Variants in NTM observed in about 807,000 individuals in gnomAD.
NTM encodes the protein neurotrimin.
A neutral mutation model predicts 42.1 loss-of-function variants in NTM; 13 were observed. That is an observed-to-expected ratio of 0.31 (90% CI 0.20 to 0.49). The LOEUF (loss-of-function observed/expected upper bound fraction) is 0.49. Ranked by LOEUF, NTM falls within the 20% of genes least tolerant of loss-of-function variation. The pLI, the probability that NTM is intolerant of heterozygous loss-of-function variation, is 0.99. For synonymous variants in NTM, 187 were observed against 179.2 expected, an observed-to-expected ratio of 1.04 and a Z score of -0.35; for missense variants, 373 against 452.8, an observed-to-expected ratio of 0.82 and a Z score of 1.60.
chr11:131,625,195 A>G (rs1388553656), intron 1 of NTM, among the ~76,000 whole-genome samples: 1 of 152,220 alleles, frequency 6.6e-6, no homozygotes, highest in Non-Finnish European at 1.5e-5. Context: ...GTGTAAAGTG[A>G]TCACATTTTC....
chr11:132,230,610 C>G (rs2087331525), intron 4 of NTM, among the ~76,000 whole-genome samples: 1 of 152,256 alleles, frequency 6.6e-6, no homozygotes, highest in Non-Finnish European at 1.5e-5. Context: ...TTTGCCCACC[C>G]TCTCTGAGCC....
intron 1 of NTM, among the ~76,000 whole-genome samples, chr11:131,901,497 T>C (rs140636855): frequency 6.6e-6 from 1 of 152,328 alleles, no homozygotes; most frequent in African/African-American, 2.4e-5. Context: ...GGGAGAGTTC[T>C]CTATGAATTC....
intron 1 of NTM, among the ~76,000 whole-genome samples, chr11:131,865,928 AC>A: frequency 8.3e-6 from 1 of 120,662 alleles, no homozygotes; most frequent in African/African-American, 3.0e-5. Context: ...CTACACACAC[AC>A]CTCCCACACT....
chr11:132,028,116 A>C (rs1267479519), intron 2 of NTM, among the ~76,000 whole-genome samples: 1 of 151,490 alleles, frequency 6.6e-6, no homozygotes, highest in Non-Finnish European at 1.5e-5. Flanking sequence ...TGTCCTTGCA[A>C]GTTGTCTGCT....
chr11:131,979,603 A>G (rs1227038822), intron 2 of NTM, among the ~76,000 whole-genome samples: 2 of 152,200 alleles, frequency 1.3e-5, no homozygotes, highest in Non-Finnish European at 1.5e-5. Context: ...CTTAGTGGCC[A>G]TTAATTCATT....
At chr11:131,633,441 T>G (rs1592296789) in intron 1 of NTM, among the ~76,000 whole-genome samples, 1 of 152,310 alleles carries the variant, frequency 6.6e-6, no homozygotes, top group East Asian at 1.9e-4. Flanking sequence ...TTCTATAAAG[T>G]TTTGAAGGTT....
chr11:132,302,859 C>T (rs914505711), intron 4 of NTM, among the ~76,000 whole-genome samples: 4 of 152,152 alleles, frequency 2.6e-5, no homozygotes, highest in South Asian at 2.1e-4. Context: ...AAGAAAAATA[C>T]GAGGCTTGAG....
At chr11:132,328,859 T>G (rs2095742017) in intron 7 of NTM, among the ~76,000 whole-genome samples, 1 of 152,090 alleles carries the variant, frequency 6.6e-6, no homozygotes, top group Admixed American at 6.6e-5. Context: ...CAGCAAGCCC[T>G]TCAAGGGACC....
chr11:131,789,613 GAAGAAGAAGAAGAAGAAGAA>G (rs2090411526), intron 1 of NTM, among the ~76,000 whole-genome samples: 2 of 84,548 alleles, frequency 2.4e-5, no homozygotes, highest in Non-Finnish European at 4.7e-5. Context: ...AGAAGAAGAA[GAAGAAGAAGAAGAAGAAGAA>G]GAAAAGAAGA....
chr11:131,704,216 A>G (rs980069284), intron 1 of NTM, among the ~76,000 whole-genome samples: 3 of 152,050 alleles, frequency 2.0e-5, no homozygotes, highest in African/African-American at 7.2e-5. Flanking sequence ...ATACCAGGGG[A>G]CCCCAGTGCC....
chr11:131,908,956 C>T (rs1565710259), intron 1 of NTM, among the ~76,000 whole-genome samples: 1 of 152,260 alleles, frequency 6.6e-6, no homozygotes, highest in African/African-American at 2.4e-5. Context: ...CATAAGTTGA[C>T]GATTGATAGT....
intron 1 of NTM, among the ~76,000 whole-genome samples, chr11:131,553,610 C>A (rs2054999071): frequency 6.6e-6 from 1 of 152,194 alleles, no homozygotes; most frequent in Non-Finnish European, 1.5e-5. Flanking sequence ...CTTATCTTCA[C>A]CCTTCACGCC....
At chr11:131,770,214 C>T (rs1252664152) in intron 1 of NTM, among the ~76,000 whole-genome samples, 1 of 152,192 alleles carries the variant, frequency 6.6e-6, no homozygotes, top group African/African-American at 2.4e-5. Flanking sequence ...ATTTGCCTGT[C>T]CCCTGACAGA....
chr11:132,261,511 C>T (rs2092853198), intron 4 of NTM, among the ~76,000 whole-genome samples: 1 of 152,158 alleles, frequency 6.6e-6, no homozygotes, highest in Admixed American at 6.5e-5. Context: ...GAGGAAAGAT[C>T]CTGGTCTTCT....
Position 132,336,180 on chromosome 11 carries a change from A to G in NTM, c.*1034A>G, listed in dbSNP as rs1233960214. ...ATGACATATATTATACAGTATATAT[A>G]TACATATATTTTTTTTGTTAGAGTT... On this transcript the variant is annotated 3_prime_UTR_variant, in exon 9 of 9. Transcript: ENST00000683400. 1 of 152,516 alleles carries G rather than the reference A, an allele frequency of 6.6e-6. No homozygotes were observed. The highest frequency in any genetic ancestry group is 1.5e-5 in the Non-Finnish European group (1 of 68,036). 9.4% of individuals were successfully genotyped at this position (152,516 alleles called of 1,614,324 possible).
chr11:131,769,535 C>T lies in NTM; in HGVS notation c.83-142029C>T, dbSNP rs1018868744. On this transcript the variant is annotated intron_variant, in intron 1 of 8. Coordinates refer to ENST00000683400, the MANE Select transcript of NTM (RefSeq NM_001352005.2). ...TTATAAAGAAGTTATTGTTTCGTTT[C>T]CTTTTTTTTCTGGAAGATCAAAATA... The T allele has an allele frequency of 9.3e-6, 8 of 861,856 alleles. No individual in the cohort carries two copies. The African/African-American group carries it at 1.5e-4, about 16-fold the overall frequency. The allele number at this position is 861,856 out of a possible 1,614,324, so 53.4% of individuals were successfully genotyped here.
At chr11:132,297,283 C>T (rs540314560) in intron 4 of NTM, among the ~76,000 whole-genome samples, 2 of 152,292 alleles carry the variant, frequency 1.3e-5, no homozygotes, top group African/African-American at 4.8e-5. Context: ...TCCCTCTGTC[C>T]CCCAAGTGGT....
chr11:131,662,075 C>T (rs184106223), intron 1 of NTM: 1 of 152,236 alleles, frequency 6.6e-6, no homozygotes, highest in Non-Finnish European at 1.5e-5. Context: ...CTCACAAACA[C>T]GAGAGAAATC....
chr11:131,467,296 T>C (rs748931950), intron 1 of NTM, among the ~76,000 whole-genome samples: 7 of 152,148 alleles, frequency 4.6e-5, no homozygotes, highest in Non-Finnish European at 8.8e-5. Flanking sequence ...AATCATGCCC[T>C]TGCCTGTCTG....
Sources: allele counts gnomAD v4.1 joint callset (sites outside exome capture counted in the v4.1 genomes callset), GRCh38; gene constraint gnomAD v4.1.1; transcripts MANE v1.5; gene names NCBI Gene and HGNC (gene_info 2026-07-23, HGNC 2026-07-21).